The following LIN54 variants were observed in gnomAD, a reference collection of about 807,000 sequenced individuals.
LIN54 encodes the protein protein lin-54 homolog.
Under a neutral mutation model 78.7 loss-of-function variants are expected in LIN54, and 9 were observed. The ratio of observed to expected loss-of-function variants is 0.11; its 90% CI spans 0.07 to 0.20. The LOEUF is 0.20. LIN54 is among the 10% of genes least tolerant of loss of function. LIN54 has a pLI of 1.00. For synonymous variants in LIN54, 269 were observed against 318.4 expected, an observed-to-expected ratio of 0.84 and a Z score of 1.65; for missense variants, 573 against 889.9, an observed-to-expected ratio of 0.64 and a Z score of 4.53.
chr4:83,010,796 G>T lies in LIN54; in HGVS notation c.-345C>A. 1.1e-5 allele frequency: 14 copies of T among 1,234,112 alleles called. No individual in the cohort carries two copies. Among genetic ancestry groups the T allele is most frequent in the Non-Finnish European group, 1.4e-5 (14 of 990,318 alleles). 76.4% of individuals were successfully genotyped at this position (1,234,112 alleles called of 1,614,324 possible). A position where few individuals can be genotyped will look rare whatever the true frequency, so the allele number is the denominator to read the frequency against. On this transcript the variant is annotated 5_prime_UTR_variant, in exon 1 of 13. Coordinates refer to ENST00000340417, the MANE Select transcript of LIN54 (RefSeq NM_194282.4). Reference sequence around the variant, plus strand: ...CAGCTTCCCCGACAGCCGGAGCCCGGGCCGCCGCCGCCGCCGCCACCACCA... The same window carrying T: ...CAGCTTCCCCGACAGCCGGAGCCCGTGCCGCCGCCGCCGCCGCCACCACCA...
chr4:82,992,364 A>G (rs1016262329), intron 1 of LIN54, among the ~76,000 whole-genome samples: 12 of 152,142 alleles, frequency 7.9e-5, no homozygotes, highest in Admixed American at 5.2e-4. Context: ...GAGATTATCC[A>G]TTTTATTGAC....
At position 83,006,402 on chromosome 4, in the gene LIN54, T is replaced by C. The variant is rs188046919; in HGVS notation, c.-33+4082A>G. Among the ~76,000 whole-genome samples the C allele has an allele frequency of 2.3e-4, 35 of 150,724 alleles. No individual in the cohort carries two copies. The East Asian group carries it at 6.2e-3, about 27-fold the overall frequency. On this transcript the variant is annotated intron_variant, in intron 1 of 12. Transcript: ENST00000340417. Reference sequence around the variant, plus strand: ...AGGCAGAAGTTGCAGTGAGCCAAGATTGCACCACTGCACTTCAGCCTGAGT... The same window carrying C: ...AGGCAGAAGTTGCAGTGAGCCAAGACTGCACCACTGCACTTCAGCCTGAGT...
At chr4:82,939,197 G>A (rs1268096211) in intron 7 of LIN54, among the ~76,000 whole-genome samples, 1 of 152,154 alleles carries the variant, frequency 6.6e-6, no homozygotes, top group Admixed American at 6.5e-5. Flanking sequence ...ATTTATGTGT[G>A]AGGAAGAGCT....
chr4:82,948,081 C>T (rs1488383778), intron 4 of LIN54, among the ~76,000 whole-genome samples: 1 of 151,810 alleles, frequency 6.6e-6, no homozygotes, highest in African/African-American at 2.4e-5. Context: ...AAACAGAAAG[C>T]ATAAGAAAAA....
chr4:83,005,519 G>A (rs2126114410), intron 1 of LIN54, among the ~76,000 whole-genome samples: 2 of 151,892 alleles, frequency 1.3e-5, no homozygotes, highest in South Asian at 4.2e-4. Context: ...GTCCCAGTTA[G>A]GAGGCTGAGC....
intron 4 of LIN54, among the ~76,000 whole-genome samples, chr4:82,960,547 C>CT (rs1724701745): frequency 6.6e-6 from 1 of 152,052 alleles, no homozygotes; most frequent in African/African-American, 2.4e-5. Flanking sequence ...CATCCTCCTG[C>CT]TTCAGCCTCC....
chr4:83,003,498 G>A (rs1729039854), intron 1 of LIN54: 1 of 152,098 alleles, frequency 6.6e-6, no homozygotes, highest in Admixed American at 6.6e-5. Flanking sequence ...ATGCAAATTT[G>A]TGAAGTGTTC....
At chr4:82,951,809 A>G (rs1204936188) in intron 4 of LIN54, among the ~76,000 whole-genome samples, 1 of 148,930 alleles carries the variant, frequency 6.7e-6, no homozygotes, top group African/African-American at 2.4e-5. Flanking sequence ...AGCCCTAAGG[A>G]AAAAAAAATC....
chr4:82,976,515 C>G lies in LIN54; in HGVS notation c.808+2368G>C, dbSNP rs181510436. Among the ~76,000 whole-genome samples the G allele has an allele frequency of 2.8e-4, 43 of 152,216 alleles. No individual in the cohort carries two copies. The Middle Eastern group carries it at 0.014, about 48-fold the overall frequency. Reference sequence around the variant, plus strand: ...ACAAGGTCAGGAGTTCGAGACCAGCCTGGCCAACATGGTGAAACCCCGTCT... The same window carrying G: ...ACAAGGTCAGGAGTTCGAGACCAGCGTGGCCAACATGGTGAAACCCCGTCT... On this transcript the variant is annotated intron_variant, in intron 3 of 12. Coordinates refer to ENST00000340417, the MANE Select transcript of LIN54 (RefSeq NM_194282.4).
chr4:82,939,654 G>A lies in LIN54; in HGVS notation c.1325C>T (p.Pro442Leu), dbSNP rs780940332. 8.7e-6 allele frequency: 14 copies of A among 1,613,960 alleles called. No homozygotes were observed. The highest frequency in any genetic ancestry group is 1.2e-5 in the Non-Finnish European group (14 of 1,179,800). ...PQQRLIMPAT[P>L]LPQIQPNLTN... ...GAGGTTGGGCTGGATCTGTGGCAGT[G>A]GTGTGGCAGGCATGATAAGCCGTTG... The change falls in exon 7 of 13, where the codon CCA (proline) becomes CTA (leucine). Residue 442 changes from proline to leucine, a missense_variant. By Grantham distance (98) the Pro-to-Leu change is moderately conservative. Around this residue, in one of 6 missense-constraint regions of LIN54, gnomAD observed 101 missense variants for 194.2 expected, o/e 0.52. Transcript: ENST00000340417.
chr4:82,972,948 TA>T (rs35025108), intron 3 of LIN54, among the ~76,000 whole-genome samples: 3,188 of 59,384 alleles, frequency 0.054, 90 homozygotes, highest in African/African-American at 0.15. Context: ...AGAATCCCTC[TA>T]AAAAAAAAAA....
Position 82,933,196 on chromosome 4 carries a change from C to T in LIN54, c.1846-2051G>A, listed in dbSNP as rs1004633751. On this transcript the variant is annotated intron_variant, in intron 11 of 12. Coordinates refer to ENST00000340417, the MANE Select transcript of LIN54 (RefSeq NM_194282.4). ...GTGATGACGAGAGAAAATTCCTGAC[C>T]TCAGAGTGGGGAAAACATACCAATA... 1.9e-4 allele frequency among the ~76,000 whole-genome samples: 29 copies of T among 150,930 alleles called. 1 individual carries two copies. Among genetic ancestry groups the T allele is most frequent in the Non-Finnish European group, 2.9e-4 (20 of 67,814 alleles).
At chr4:82,992,065 C>T (rs1016314542) in intron 1 of LIN54, among the ~76,000 whole-genome samples, 1 of 152,074 alleles carries the variant, frequency 6.6e-6, no homozygotes, top group Non-Finnish European at 1.5e-5. Flanking sequence ...TAAAATTCAC[C>T]AGTAAAGCCA....
intron 7 of LIN54, among the ~76,000 whole-genome samples, 169 bp from the exon 8 acceptor site, chr4:82,938,673 T>C (rs1722599476): frequency 6.6e-6 from 1 of 152,168 alleles, no homozygotes; most frequent in South Asian, 2.1e-4. Context: ...CTCAAACCAA[T>C]ACTATAGGTG....
At chr4:82,963,396 A>G (rs895342275) in intron 4 of LIN54, among the ~76,000 whole-genome samples, 9 of 152,182 alleles carry the variant, frequency 5.9e-5, no homozygotes, top group Non-Finnish European at 2.9e-5. Context: ...GACCTACCCA[A>G]AGCAAGGAAG....
chr4:82,940,422 TC>T (rs1645977945), intron 5 of LIN54, among the ~76,000 whole-genome samples: 3 of 152,148 alleles, frequency 2.0e-5, no homozygotes, highest in Non-Finnish European at 1.5e-5. Flanking sequence ...GGAGACTCAC[TC>T]TGTCTGTCAC....
At position 82,947,222 on chromosome 4, in the gene LIN54, TA is replaced by T. The variant is rs1179859171; in HGVS notation, c.952-749del. ...AAAAAAAAATTTATATATATATATA[TA>T]TATATATATATATTTTTTTTTTTTT... is the stretch of plus-strand genomic sequence containing the variant. On this transcript the variant is annotated intron_variant, in intron 4 of 12. Transcript: ENST00000340417. Among the ~76,000 whole-genome samples, 116 of 17,030 alleles carry T rather than the reference TA, an allele frequency of 6.8e-3. 3 individuals are homozygous for T. The highest frequency in any genetic ancestry group is 0.019 in the African/African-American group (107 of 5,598). 11.2% of individuals were successfully genotyped at this position (17,030 alleles called of 152,430 possible).
chr4:82,956,246 C>T (rs1343709066), intron 4 of LIN54, among the ~76,000 whole-genome samples: 4 of 151,996 alleles, frequency 2.6e-5, no homozygotes, highest in Non-Finnish European at 5.9e-5. Flanking sequence ...CCACCATGCC[C>T]GACCTATATT....
rs1721611671 is a variant in LIN54, at chr4:82,927,880, A to T, written c.*222T>A. 1 of 461,608 alleles carries T rather than the reference A, an allele frequency of 2.2e-6. No homozygotes were observed. Among genetic ancestry groups the T allele is most frequent in the African/African-American group, 2.0e-5 (1 of 51,158 alleles). 28.6% of individuals were successfully genotyped at this position (461,608 alleles called of 1,614,324 possible). A position where few individuals can be genotyped will look rare whatever the true frequency, so the allele number is the denominator to read the frequency against. Reference sequence around the variant, plus strand: ...AAGCAAATTAAAAAATCTATATAATAAAGAAAAATTCAATTTAGAAGGGGC... The same window carrying T: ...AAGCAAATTAAAAAATCTATATAATTAAGAAAAATTCAATTTAGAAGGGGC... On this transcript the variant is annotated 3_prime_UTR_variant, in exon 13 of 13. Transcript: ENST00000340417.
Sources: allele counts gnomAD v4.1 joint callset (sites outside exome capture counted in the v4.1 genomes callset), GRCh38; gene constraint gnomAD v4.1.1; regional missense constraint gnomAD v4.1.1; transcripts MANE v1.5; gene names NCBI Gene and HGNC (gene_info 2026-07-23, HGNC 2026-07-21).